The following HDAC8 variants were observed in gnomAD, a reference collection of about 807,000 sequenced individuals.
HDAC8 encodes the protein histone deacetylase-like 1.
In HDAC8, 1 loss-of-function variant was observed where a neutral mutation model predicts 32.2. The observed-to-expected ratio is 0.03, with a 90% CI of 0.01 to 0.15. HDAC8 has a LOEUF of 0.15. Among genes scored for constraint, HDAC8 ranks in the 10% least tolerant of loss-of-function variants. The pLI is 1.00. For synonymous variants in HDAC8, 108 were observed against 113.9 expected, an observed-to-expected ratio of 0.95 and a Z score of 0.33; for missense variants, 117 against 300.0, an observed-to-expected ratio of 0.39 and a Z score of 4.51.
intron 10 of HDAC8, among the ~76,000 whole-genome samples, chrX:72,350,250 C>T (rs959155033): frequency 9.0e-6 from 1 of 111,434 alleles, no homozygotes; most frequent in African/African-American, 3.3e-5. Context: ...GGCTAAGGGA[C>T]GCCTCAGAGG....
chrX:72,457,881 A>G (rs1394188044), intron 9 of HDAC8, among the ~76,000 whole-genome samples: 1 of 111,395 alleles, frequency 9.0e-6, no homozygotes, highest in Non-Finnish European at 1.9e-5. Context: ...TAATGGCTAC[A>G]TATGTTCCCT....
intron 2 of HDAC8, among the ~76,000 whole-genome samples, chrX:72,570,458 C>T (rs1476412399): frequency 9.1e-6 from 1 of 110,213 alleles, no homozygotes; most frequent in Admixed American, 9.6e-5. Flanking sequence ...TAAAAAATGG[C>T]TTAAAATGGG....
At chrX:72,388,878 C>T (rs1383109303) in intron 9 of HDAC8, among the ~76,000 whole-genome samples, 1 of 111,864 alleles carries the variant, frequency 8.9e-6, no homozygotes. Flanking sequence ...TGCACCTTCA[C>T]AAGAAACTGA....
chrX:72,473,559 G>T (rs2048244771), intron 7 of HDAC8: 1 of 309,715 alleles, frequency 3.2e-6, no homozygotes, highest in Non-Finnish European at 4.3e-6. Context: ...ATACAGAGAG[G>T]TTAAGAAATC....
chrX:72,554,998 T>C (rs1332075963), intron 4 of HDAC8, among the ~76,000 whole-genome samples: 1 of 111,159 alleles, frequency 9.0e-6, no homozygotes, highest in African/African-American at 3.3e-5. Context: ...AAAACACAAC[T>C]AAGGACCCTC....
chrX:72,490,620 G>A (rs1335150600), intron 6 of HDAC8, among the ~76,000 whole-genome samples: 3 of 76,086 alleles, frequency 3.9e-5, no homozygotes, highest in African/African-American at 1.5e-4. Context: ...GGGGGAGGGG[G>A]GAGGGATAGC....
At chrX:72,547,354 A>C (rs944281468) in intron 4 of HDAC8, among the ~76,000 whole-genome samples, 1 of 107,731 alleles carries the variant, frequency 9.3e-6, no homozygotes, top group African/African-American at 3.4e-5. Context: ...CAGCTGAATC[A>C]ACTGGAGCCT....
At chrX:72,490,176 C>A (rs1380969148) in intron 6 of HDAC8, among the ~76,000 whole-genome samples, 5 of 109,837 alleles carry the variant, frequency 4.6e-5, no homozygotes, top group African/African-American at 6.6e-5. Context: ...TAGATCAACC[C>A]TTGTGGAAGT....
intron 4 of HDAC8, among the ~76,000 whole-genome samples, chrX:72,521,065 C>T (rs1556028371): frequency 8.9e-6 from 1 of 112,057 alleles, no homozygotes; most frequent in African/African-American, 3.2e-5. Flanking sequence ...GTGCATTTTC[C>T]TCTTTGTAAT....
At chrX:72,468,518 C>T (rs2048082070) in intron 7 of HDAC8, among the ~76,000 whole-genome samples, 2 of 111,879 alleles carry the variant, frequency 1.8e-5, no homozygotes, top group Non-Finnish European at 3.8e-5. Flanking sequence ...TCTCATCAAT[C>T]GCTCCCTCTT....
At chrX:72,398,744 T>G (rs964079595) in intron 9 of HDAC8, among the ~76,000 whole-genome samples, 9 of 109,411 alleles carry the variant, frequency 8.2e-5, no homozygotes, top group Admixed American at 7.8e-4. Context: ...CACTTTAGGG[T>G]TTTTTTTTCT....
At chrX:72,449,113 T>C (rs782719650) in intron 9 of HDAC8, among the ~76,000 whole-genome samples, 1 of 112,089 alleles carries the variant, frequency 8.9e-6, no homozygotes, top group Non-Finnish European at 1.9e-5. Context: ...TAAAGACACA[T>C]GAACACATAG....
At chrX:72,348,100 T>A (rs1555947593) in intron 10 of HDAC8, among the ~76,000 whole-genome samples, 2 of 112,417 alleles carry the variant, frequency 1.8e-5, no homozygotes, top group Admixed American at 1.9e-4. Context: ...CAGTCTCATC[T>A]TTTGTGCCTC....
intron 9 of HDAC8, among the ~76,000 whole-genome samples, chrX:72,409,723 A>T (rs1356197622): frequency 8.9e-6 from 1 of 112,108 alleles, no homozygotes; most frequent in Non-Finnish European, 1.9e-5. Flanking sequence ...GCTCAATAGG[A>T]TTTGTGGCTA....
intron 9 of HDAC8, among the ~76,000 whole-genome samples, chrX:72,461,620 C>T (rs1013891070): frequency 2.3e-4 from 26 of 110,984 alleles, no homozygotes; most frequent in African/African-American, 7.9e-4. Context: ...CCACGTACCA[C>T]CTATGAAACT....
At chrX:72,509,177 C>T (rs782239492) in intron 4 of HDAC8, among the ~76,000 whole-genome samples, 5 of 109,530 alleles carry the variant, frequency 4.6e-5, no homozygotes, top group Non-Finnish European at 9.5e-5. Context: ...CTCAGCTCAC[C>T]GCAACCTCCA....
chrX:72,502,995 A>G (rs782169330), intron 4 of HDAC8, among the ~76,000 whole-genome samples: 2 of 112,313 alleles, frequency 1.8e-5, no homozygotes, highest in South Asian at 7.4e-4. Context: ...CTCATTTTCC[A>G]TACCACAGAA....
At chrX:72,380,935 C>T (rs1343201229) in intron 9 of HDAC8, among the ~76,000 whole-genome samples, 1 of 111,839 alleles carries the variant, frequency 8.9e-6, no homozygotes, top group African/African-American at 3.2e-5. Flanking sequence ...GTGTACTGAA[C>T]ATTTACAGCA....
chrX:72,335,909 T>TA (rs781970503), intron 10 of HDAC8, among the ~76,000 whole-genome samples: 191 of 85,134 alleles, frequency 2.2e-3, no homozygotes, highest in East Asian at 0.012. Context: ...ACACTGTCTC[T>TA]AAAAAAAAAA....
Sources: allele counts gnomAD v4.1 joint callset (sites outside exome capture counted in the v4.1 genomes callset), GRCh38; gene constraint gnomAD v4.1.1; transcripts MANE v1.5; gene names NCBI Gene and HGNC (gene_info 2026-07-23, HGNC 2026-07-21).